PWWP3A: variants seen among roughly 807,000 people sequenced by gnomAD.
PWWP3A encodes the protein PWWP domain containing 3A, DNA repair factor.
In PWWP3A, 53 loss-of-function variants were observed where a neutral mutation model predicts 79.0. The observed-to-expected ratio is 0.67, with a 90% CI of 0.54 to 0.84. PWWP3A has a LOEUF of 0.84. Ranked by LOEUF, PWWP3A falls within the 40% of genes least tolerant of loss-of-function variation. The pLI, the probability that PWWP3A is intolerant of heterozygous loss-of-function variation, is 0.00. For synonymous variants in PWWP3A, 443 were observed against 394.4 expected, an observed-to-expected ratio of 1.12 and a Z score of -1.46; for missense variants, 973 against 948.0, an observed-to-expected ratio of 1.03 and a Z score of -0.35.
intron 12 of PWWP3A, among the ~76,000 whole-genome samples, chr19:1,371,877 G>A (rs935692977): frequency 3.5e-5 from 5 of 143,502 alleles, no homozygotes; most frequent in Non-Finnish European, 7.5e-5. Flanking sequence ...GCGCAATCTC[G>A]GCTCACTGCA....
At position 1,377,135 on chromosome 19, in the gene PWWP3A, GCT is replaced by G. The variant is rs1190848046; in HGVS notation, c.*562_*563del. 6.5e-6 allele frequency: 1 copy of G among 152,808 alleles called. No homozygotes were observed. Among genetic ancestry groups the G allele is most frequent in the East Asian group, 1.9e-4 (1 of 5,206 alleles). The allele number at this position is 152,808 out of a possible 1,614,324, so 9.5% of individuals were successfully genotyped here. A position where few individuals can be genotyped will look rare whatever the true frequency, so the allele number is the denominator to read the frequency against. ...GAGGCGGGAGCAGAGACGAGCCGCT[GCT>G]CTGTGTCGTGTTTGCTGTGGCCGCA... On this transcript the variant is annotated 3_prime_UTR_variant, in exon 14 of 14. Coordinates refer to ENST00000591337, the MANE Select transcript of PWWP3A (RefSeq NM_001369789.1).
At chr19:1,371,617 T>C in intron 12 of PWWP3A, 1 of 581,616 alleles carries the variant, frequency 1.7e-6, no homozygotes, top group Non-Finnish European at 3.1e-6. Context: ...TTGAAGTTTG[T>C]ATCTGAAATT....
chr19:1,373,425 T>C, intron 13 of PWWP3A: 1 of 511,308 alleles, frequency 2.0e-6, no homozygotes, highest in South Asian at 2.5e-5. Flanking sequence ...GTGTCTGTTC[T>C]TAATCTCTTT....
intron 5 of PWWP3A, among the ~76,000 whole-genome samples, chr19:1,361,712 C>T (rs575674798): frequency 2.0e-5 from 3 of 152,228 alleles, no homozygotes; most frequent in South Asian, 2.1e-4. Context: ...GAGGTTGCCA[C>T]GCTCTGAAGA....
intron 7 of PWWP3A, among the ~76,000 whole-genome samples, 187 bp downstream of exon 7, chr19:1,364,766 A>G (rs570276122): frequency 6.6e-5 from 10 of 152,298 alleles, no homozygotes; most frequent in East Asian, 3.9e-4. Context: ...TTAAGGCACA[A>G]TGGTGTTAAG....
In PWWP3A at chr19:1,354,980, G is replaced by A. The variant is rs2144675580; in HGVS notation, c.-225G>A. The A allele has an allele frequency of 9.0e-6, 1 of 111,538 alleles. No homozygotes were observed. Among genetic ancestry groups the A allele is most frequent in the South Asian group, 2.2e-4 (1 of 4,498 alleles). 6.9% of individuals were successfully genotyped at this position (111,538 alleles called of 1,614,324 possible). A position where few individuals can be genotyped will look rare whatever the true frequency, so the allele number is the denominator to read the frequency against. On this transcript the variant is annotated 5_prime_UTR_variant, in exon 1 of 14. Coordinates refer to ENST00000591337, the MANE Select transcript of PWWP3A (RefSeq NM_001369789.1). ...AGGCAAGCCCCGCCCCCGGCCCCGC[G>A]GGGAGCGGCGGCGGCGGCGGCGGCG...
At position 1,360,256 on chromosome 19, in the gene PWWP3A, C is replaced by T; in HGVS notation, c.335C>T (p.Thr112Ile). The change falls in exon 5 of 14, where the codon ACA (threonine) becomes ATA (isoleucine). Residue 112 changes from threonine (T) to isoleucine (I), a missense_variant. Thr to Ile is a moderately conservative substitution (Grantham distance 89, BLOSUM62 -1). Coordinates refer to ENST00000591337, the MANE Select transcript of PWWP3A (RefSeq NM_001369789.1). This position sits in a 1 kb window ranked among gnomAD's most constrained non-coding sequence, Gnocchi z 4.4. ...SIWSQESSAG[T>I]GRADRSLRGK... ...TGGAGTCAAGAAAGCTCTGCAGGGA[C>T]AGGTAGAGCTGACCGGTCTCTGCGA... 2 of 1,614,074 alleles carry T rather than the reference C, an allele frequency of 1.2e-6. No individual in the cohort carries two copies. The highest frequency in any genetic ancestry group is 1.7e-6 in the Non-Finnish European group (2 of 1,179,988).
At chr19:1,356,116 G>GA (rs923818632) in intron 1 of PWWP3A, among the ~76,000 whole-genome samples, 1 of 152,090 alleles carries the variant, frequency 6.6e-6, no homozygotes, top group Non-Finnish European at 1.5e-5. Flanking sequence ...TTTTATTTAT[G>GA]AAAAAATGCA....
chr19:1,365,456 C>G (rs2082108436), intron 7 of PWWP3A, among the ~76,000 whole-genome samples: 1 of 152,258 alleles, frequency 6.6e-6, no homozygotes, highest in South Asian at 2.1e-4. Context: ...TCCAGAGACG[C>G]CTTTGTTGCT....
At position 1,360,567 on chromosome 19, in the gene PWWP3A, AAG is replaced by A. The variant is rs760249278; in HGVS notation, c.649_650del (p.Arg217GlyfsTer9). The stretch of plus-strand genomic sequence containing the variant: ...CCACAAAAATTGGACTCTTGCAAGT[AAG>A]AGGGGAGGAAACTCAGCGCAGAAGG... ...IHHKNWTLASKRGGNSAQKAS... is the reference protein window; with the variant it reads ...IHHKNWTLASXRGGNSAQKAS... On this transcript the variant is annotated frameshift_variant, in exon 5 of 14. Transcript: ENST00000591337. LOFTEE classifies it high-confidence loss of function. This position sits in a 1 kb window ranked among gnomAD's most constrained non-coding sequence, Gnocchi z 4.4. 1.9e-6 allele frequency: 3 copies of A among 1,614,068 alleles called. No homozygotes were observed. The highest frequency in any genetic ancestry group is 1.1e-5 in the South Asian group (1 of 91,084).
chr19:1,370,782 T>C lies in PWWP3A; in HGVS notation c.1690T>C (p.Ser564Pro). 1 of 1,542,152 alleles carries C rather than the reference T, an allele frequency of 6.5e-7. No homozygotes were observed. Among genetic ancestry groups the C allele is most frequent in the Non-Finnish European group, 8.8e-7 (1 of 1,141,732 alleles). ...CTGCCGGAAAATGCTCCCCGACCGCTCGCGGGCCGCCCGGGACCGGGCCAA... is the reference window on the plus strand; with the variant it reads ...CTGCCGGAAAATGCTCCCCGACCGCCCGCGGGCCGCCCGGGACCGGGCCAA... ...QPCRKMLPDR[S>P]RAARDRANQK... The change falls in exon 12 of 14, where the codon TCG becomes CCG. Residue 564 changes from serine to proline, a missense_variant. Physicochemically the swap from Ser to Pro is moderately conservative, Grantham distance 74. Coordinates refer to ENST00000591337, the MANE Select transcript of PWWP3A (RefSeq NM_001369789.1).
chr19:1,357,312 G>C (rs1396623596), intron 3 of PWWP3A: 1 of 468,116 alleles, frequency 2.1e-6, no homozygotes, highest in African/African-American at 2.0e-5. Flanking sequence ...CATTCTGTGA[G>C]ATCTATGGAG....
In PWWP3A at chr19:1,376,384, GA is replaced by G. The variant is rs1291729317; in HGVS notation, c.2076-134del. Reference sequence around the variant, plus strand: ...TTAGCCAGGATGGTCCTGATCTCCTGACCTTGTGATCCGCCTGCCTCGGCCT... The same window carrying G: ...TTAGCCAGGATGGTCCTGATCTCCTGCCTTGTGATCCGCCTGCCTCGGCCT... On this transcript the variant is annotated intron_variant, in intron 13 of 13. Coordinates refer to ENST00000591337, the MANE Select transcript of PWWP3A (RefSeq NM_001369789.1). The G allele has an allele frequency of 1.3e-5, 7 of 553,896 alleles. No homozygotes were observed. In the African/African-American group the frequency reaches 1.5e-4, roughly 11 times the overall value. The allele number at this position is 553,896 out of a possible 1,614,324, so 34.3% of individuals were successfully genotyped here.
intron 13 of PWWP3A, among the ~76,000 whole-genome samples, chr19:1,375,537 T>TATATATTATATATAAAATATA (rs1162661703): frequency 0.013 from 1,259 of 96,114 alleles, 12 homozygotes; most frequent in Non-Finnish European, 0.019. Flanking sequence ...ATTTATATAT[T>TATATATTATATATAAAATATA]TTATATATAA....
In PWWP3A at chr19:1,368,673, C is replaced by T. The variant is rs1385337519; in HGVS notation, c.1423-592C>T. On this transcript the variant is annotated intron_variant, in intron 9 of 13. Transcript: ENST00000591337. The surrounding 1 kb of genome is among the most constrained non-coding windows in gnomAD (Gnocchi z 4.7). ...CTGGGGACCCACCCTGCTGCCAGCC[C>T]AGGTGCTGTTAGAGCAGCCCAGGTG... Among the ~76,000 whole-genome samples, 1 of 152,208 alleles carries T rather than the reference C, an allele frequency of 6.6e-6. No individual in the cohort carries two copies. Among genetic ancestry groups the T allele is most frequent in the Non-Finnish European group, 1.5e-5 (1 of 68,042 alleles).
At position 1,377,966 on chromosome 19, in the gene PWWP3A, G is replaced by C. The variant is rs373704071; in HGVS notation, c.*1390G>C. Reference sequence around the variant, plus strand: ...TGGGACTCGGGAGGTGCCAGAGGCGGCGGCTGCTCTGGACCTCGGTGTTCA... The same window carrying C: ...TGGGACTCGGGAGGTGCCAGAGGCGCCGGCTGCTCTGGACCTCGGTGTTCA... On this transcript the variant is annotated 3_prime_UTR_variant, in exon 14 of 14. Coordinates refer to ENST00000591337, the MANE Select transcript of PWWP3A (RefSeq NM_001369789.1). The C allele has an allele frequency of 6.6e-6, 1 of 152,410 alleles. No individual in the cohort carries two copies. The highest frequency in any genetic ancestry group is 1.9e-4 in the East Asian group (1 of 5,188). 9.4% of individuals were successfully genotyped at this position (152,410 alleles called of 1,614,324 possible).
At chr19:1,370,559 G>A (rs925222964) in intron 11 of PWWP3A, 83 bp from the exon 12 acceptor site, 29 of 1,272,202 alleles carry the variant, frequency 2.3e-5, no homozygotes, top group East Asian at 1.6e-4. Context: ...CTGCCATGTC[G>A]CAGCCTCCCA....
chr19:1,370,511 C>G, intron 11 of PWWP3A, 131 bp from the exon 12 acceptor site: 1 of 808,994 alleles, frequency 1.2e-6, no homozygotes, highest in Non-Finnish European at 1.8e-6. Context: ...CACTCCCGTG[C>G]TAACACGGAG....
In PWWP3A at chr19:1,376,959, G is replaced by C. The variant is rs2082415979; in HGVS notation, c.*383G>C. Reference sequence around the variant, plus strand: ...AAACGGGAGGTTTTAAGAAGCGTCTGCCGTGATCATGGAGCTTCGGAAGCG... The same window carrying C: ...AAACGGGAGGTTTTAAGAAGCGTCTCCCGTGATCATGGAGCTTCGGAAGCG... On this transcript the variant is annotated 3_prime_UTR_variant, in exon 14 of 14. Coordinates refer to ENST00000591337, the MANE Select transcript of PWWP3A (RefSeq NM_001369789.1). 6.1e-6 allele frequency: 1 copy of C among 165,122 alleles called. No homozygotes were observed. The highest frequency in any genetic ancestry group is 1.3e-5 in the Non-Finnish European group (1 of 77,242). 10.2% of individuals were successfully genotyped at this position (165,122 alleles called of 1,614,324 possible).
Sources: allele counts gnomAD v4.1 joint callset (sites outside exome capture counted in the v4.1 genomes callset), GRCh38; gene constraint gnomAD v4.1.1; non-coding constraint Gnocchi (gnomAD v3.1); transcripts MANE v1.5; gene names NCBI Gene and HGNC (gene_info 2026-07-23, HGNC 2026-07-21).